Variants in KCNB2 observed in about 807,000 individuals in gnomAD.
The protein encoded by KCNB2 is delayed rectifier potassium channel protein.
Under a neutral mutation model 61.5 loss-of-function variants are expected in KCNB2, and 15 were observed. The observed-to-expected ratio is 0.24, with a 90% CI of 0.16 to 0.38. The LOEUF is 0.38. Among genes scored for constraint, KCNB2 ranks in the 10% least tolerant of loss-of-function variants. KCNB2 has a pLI of 1.00. For synonymous variants in KCNB2, 457 were observed against 446.0 expected (o/e 1.02, Z -0.31); for missense variants, 828 against 1,125.2 (o/e 0.74, Z 3.78).
chr8:72,920,489 T>A (rs990773073), intron 2 of KCNB2, among the ~76,000 whole-genome samples: 1 of 35,336 alleles, frequency 2.8e-5, no homozygotes, highest in Non-Finnish European at 8.5e-5. Flanking sequence ...ATATATATAT[T>A]AGCTGGCCAT....
intron 2 of KCNB2, among the ~76,000 whole-genome samples, chr8:72,637,611 T>C (rs1175437562): frequency 1.3e-5 from 2 of 152,138 alleles, no homozygotes; most frequent in Admixed American, 6.6e-5. Context: ...GTCACTGTTA[T>C]AGCCTCTCTC....
At chr8:72,538,858 T>G (rs1174647634) in intron 1 of KCNB2, among the ~76,000 whole-genome samples, 1 of 152,130 alleles carries the variant, frequency 6.6e-6, no homozygotes, top group African/African-American at 2.4e-5. Flanking sequence ...TGTAGTATAG[T>G]GTGGGTCGGA....
At chr8:72,599,947 A>G (rs1352002752) in intron 2 of KCNB2, among the ~76,000 whole-genome samples, 3 of 152,148 alleles carry the variant, frequency 2.0e-5, no homozygotes, top group Non-Finnish European at 4.4e-5. Flanking sequence ...GAAACAACAG[A>G]TGCTGGAGAG....
At chr8:72,542,022 CA>C (rs1191657979) in intron 1 of KCNB2, among the ~76,000 whole-genome samples, 1 of 151,914 alleles carries the variant, frequency 6.6e-6, no homozygotes. Context: ...GGTTACTTAA[CA>C]GATTTACATA....
At chr8:72,924,408 C>T (rs1001669522) in intron 2 of KCNB2, among the ~76,000 whole-genome samples, 1 of 152,066 alleles carries the variant, frequency 6.6e-6, no homozygotes, top group African/African-American at 2.4e-5. Flanking sequence ...CAGTGCCTCT[C>T]AAATTTAAAT....
At chr8:72,779,378 T>C (rs1808717763) in intron 2 of KCNB2, among the ~76,000 whole-genome samples, 1 of 152,146 alleles carries the variant, frequency 6.6e-6, no homozygotes, top group African/African-American at 2.4e-5. Context: ...GCAGGACAGC[T>C]TCAACACAGA....
At chr8:72,630,957 A>T (rs919366556) in intron 2 of KCNB2, among the ~76,000 whole-genome samples, 1 of 152,194 alleles carries the variant, frequency 6.6e-6, no homozygotes, top group Admixed American at 6.5e-5. Flanking sequence ...CAAGCCCCCC[A>T]TGGATGCCTG....
intron 2 of KCNB2, among the ~76,000 whole-genome samples, chr8:72,766,257 A>G (rs1288160590): frequency 6.6e-6 from 1 of 152,170 alleles, no homozygotes; most frequent in East Asian, 1.9e-4. Context: ...TTTAAGTGCA[A>G]CCTGGACATA....
At chr8:72,870,785 C>T (rs1382668700) in intron 2 of KCNB2, among the ~76,000 whole-genome samples, 1 of 152,120 alleles carries the variant, frequency 6.6e-6, no homozygotes, top group African/African-American at 2.4e-5. Context: ...AACTACCAGC[C>T]TGGACAACAT....
chr8:72,905,993 T>C (rs896247342), intron 2 of KCNB2, among the ~76,000 whole-genome samples: 3 of 152,194 alleles, frequency 2.0e-5, no homozygotes, highest in Non-Finnish European at 4.4e-5. Flanking sequence ...GAATAAGACT[T>C]TCTCCTCTAT....
At chr8:72,749,857 A>T (rs1200666350) in intron 2 of KCNB2, among the ~76,000 whole-genome samples, 1 of 147,288 alleles carries the variant, frequency 6.8e-6, no homozygotes, top group African/African-American at 2.5e-5. Flanking sequence ...TATTATATAT[A>T]TTTTTATATA....
chr8:72,664,390 A>G (rs946710126), intron 2 of KCNB2, among the ~76,000 whole-genome samples: 1 of 152,210 alleles, frequency 6.6e-6, no homozygotes, highest in African/African-American at 2.4e-5. Context: ...ATAAAGTGCC[A>G]TAAACACATC....
At chr8:72,763,695 C>T (rs952935218) in intron 2 of KCNB2, among the ~76,000 whole-genome samples, 18 of 152,142 alleles carry the variant, frequency 1.2e-4, no homozygotes, top group South Asian at 4.1e-4. Context: ...ATTCTTTAAA[C>T]GATTACTCAA....
At chr8:72,745,785 C>A (rs1428125688) in intron 2 of KCNB2, among the ~76,000 whole-genome samples, 1 of 152,082 alleles carries the variant, frequency 6.6e-6, no homozygotes, top group Non-Finnish European at 1.5e-5. Context: ...TGGCTTGGAG[C>A]TCCCACCCTT....
At chr8:72,563,722 G>T (rs537589131) in intron 1 of KCNB2, among the ~76,000 whole-genome samples, 1 of 152,176 alleles carries the variant, frequency 6.6e-6, no homozygotes, top group South Asian at 2.1e-4. Context: ...AGTTTCAAAG[G>T]CACTGTTGAT....
At chr8:72,538,945 T>C (rs1325986547) in intron 1 of KCNB2, among the ~76,000 whole-genome samples, 3 of 152,218 alleles carry the variant, frequency 2.0e-5, no homozygotes, top group Non-Finnish European at 4.4e-5. Flanking sequence ...TAGATTTCGG[T>C]CAAAAATCTT....
intron 2 of KCNB2, among the ~76,000 whole-genome samples, chr8:72,812,464 G>A (rs16938400): frequency 1.3e-5 from 2 of 151,842 alleles, no homozygotes; most frequent in Non-Finnish European, 2.9e-5. Context: ...ATACTTTTTT[G>A]TTTCTCCAGT....
rs543274041 is a variant in KCNB2, at chr8:72,634,973, A to G, written c.579+66660A>G. Among the ~76,000 whole-genome samples, 8 of 152,234 alleles carry G rather than the reference A, an allele frequency of 5.3e-5. 1 individual carries two copies. Among genetic ancestry groups the G allele is most frequent in the African/African-American group, 1.9e-4 (8 of 41,548 alleles). On this transcript the variant is annotated intron_variant, in intron 2 of 2. Transcript: ENST00000523207. Reference sequence around the variant, plus strand: ...AAAGCCTGGAGACATGCTAGCTTTTATCATATTGGGAGCTGGTCCAGGAAG... The same window carrying G: ...AAAGCCTGGAGACATGCTAGCTTTTGTCATATTGGGAGCTGGTCCAGGAAG...
chr8:72,771,007 A>G (rs1378128239), intron 2 of KCNB2, among the ~76,000 whole-genome samples: 1 of 152,230 alleles, frequency 6.6e-6, no homozygotes, highest in Admixed American at 6.5e-5. Flanking sequence ...ACATTTGTGT[A>G]TGATTATTTA....
Sources: gnomAD v4.1 joint callset for allele counts (sites outside exome capture counted in the v4.1 genomes callset) on GRCh38, gnomAD v4.1.1 for gene constraint, MANE v1.5 for transcripts, NCBI Gene and HGNC (gene_info 2026-07-23, HGNC 2026-07-21) for gene names.